Variants in DPY30 observed in about 807,000 individuals in gnomAD.
The protein encoded by DPY30 is dpy-30 histone methyltransferase complex regulatory subunit, also known as protein dpy-30 homolog.
DPY30 carries 6 observed loss-of-function variants against 16.2 expected under a neutral mutation model. The observed-to-expected ratio is 0.37, with a 90% CI of 0.20 to 0.73. The LOEUF (loss-of-function observed/expected upper bound fraction) is 0.73. Ranked by LOEUF, DPY30 falls within the 30% of genes least tolerant of loss-of-function variation. The pLI, the probability that DPY30 is intolerant of heterozygous loss-of-function variation, is 0.51. For missense variants in DPY30, 73 were observed against 113.1 expected (o/e 0.65, Z 1.61); for synonymous variants, 39 against 38.8 (o/e 1.00, Z -0.02).
intron 5 of DPY30, among the ~76,000 whole-genome samples, chr2:32,017,695 A>G (rs777852016): frequency 1.6e-4 from 24 of 152,150 alleles, no homozygotes; most frequent in Admixed American, 2.6e-4. Flanking sequence ...ACAAGGATCA[A>G]TTATGTTCTC....
downstream of DPY30, chr2:32,023,832 AAAAGAG>A (rs1262318297): frequency 6.9e-6 from 9 of 1,307,042 alleles, no homozygotes; most frequent in Middle Eastern, 4.2e-4. Context: ...AGACAGAAGA[AAAAGAG>A]AAATTCATAA....
At chr2:32,038,656 T>G (rs927706277) in intron 3 of DPY30, among the ~76,000 whole-genome samples, 3 of 142,584 alleles carry the variant, frequency 2.1e-5, no homozygotes, top group Admixed American at 1.4e-4. Flanking sequence ...ACTTTTTTTT[T>G]TTTTTTTTTT....
At chr2:32,020,023 C>T (rs1675145845), downstream of DPY30, among the ~76,000 whole-genome samples, 1 of 147,718 alleles carries the variant, frequency 6.8e-6, no homozygotes, top group African/African-American at 2.5e-5. Flanking sequence ...TCCTCTGTAA[C>T]CTTAAGGAAA....
chr2:32,031,722 G>A (rs1430326331), intron 3 of DPY30, among the ~76,000 whole-genome samples: 7 of 152,066 alleles, frequency 4.6e-5, no homozygotes, highest in Middle Eastern at 6.8e-3. Context: ...GTGGAACCCT[G>A]TCTCTACTAA....
Position 32,024,226 on chromosome 2 carries a change from A to G in DPY30, c.258T>C (p.Ser86=), listed in dbSNP as rs1207928449. ...RPPNPIEFLA[S]YLLKNKAQFE... ...ACTGTGCCTTGTTTTTTAAAAGATA[A>G]GATGCTAGAAATTCAATGGGATTTG... The change falls in exon 5 of 5, where the codon TCT becomes TCC. Residue 86 remains serine, a synonymous_variant. Coordinates refer to ENST00000342166, the MANE Select transcript of DPY30 (RefSeq NM_001321209.2). 6.2e-7 allele frequency: 1 copy of G among 1,612,842 alleles called. No individual in the cohort carries two copies. Among genetic ancestry groups the G allele is most frequent in the Non-Finnish European group, 8.5e-7 (1 of 1,179,368 alleles).
At chr2:32,022,655 C>T (rs1675211395), downstream of DPY30, among the ~76,000 whole-genome samples, 3 of 151,770 alleles carry the variant, frequency 2.0e-5, no homozygotes, top group South Asian at 6.2e-4. Flanking sequence ...GTGGCTGGGA[C>T]GACAGGCACA....
At chr2:32,035,936 G>GAAAAAAAAAAAAA (rs762915217) in intron 3 of DPY30, among the ~76,000 whole-genome samples, 7 of 50,306 alleles carry the variant, frequency 1.4e-4, no homozygotes, top group Middle Eastern at 0.01. Flanking sequence ...CAGTCTCGAA[G>GAAAAAAAAAAAAA]AAAAAAAAAA....
At chr2:32,022,796 G>A (rs910126668), downstream of DPY30, among the ~76,000 whole-genome samples, 26 of 151,898 alleles carry the variant, frequency 1.7e-4, no homozygotes, top group African/African-American at 5.1e-4. Context: ...GATTACAGGC[G>A]TGAGCCACCG....
chr2:32,036,226 C>A (rs1449425388), intron 3 of DPY30, among the ~76,000 whole-genome samples: 1 of 152,048 alleles, frequency 6.6e-6, no homozygotes, highest in African/African-American at 2.4e-5. Flanking sequence ...AATCCTCCCA[C>A]CTTGGCCTCC....
chr2:32,024,450 A>C (rs1247903455), intron 4 of DPY30, among the ~76,000 whole-genome samples, 194 bp from the exon 5 acceptor site: 1 of 152,226 alleles, frequency 6.6e-6, no homozygotes, highest in Non-Finnish European at 1.5e-5. Flanking sequence ...AATGAGACTG[A>C]AATTTTTGTA....
intron 3 of DPY30, among the ~76,000 whole-genome samples, chr2:32,031,093 C>T (rs1041298502): frequency 6.6e-6 from 1 of 152,100 alleles, no homozygotes; most frequent in African/African-American, 2.4e-5. Flanking sequence ...TAATTCATTG[C>T]CTCCATCGCA....
At chr2:32,023,049 G>T (rs1675219696), downstream of DPY30, among the ~76,000 whole-genome samples, 1 of 151,822 alleles carries the variant, frequency 6.6e-6, no homozygotes, top group African/African-American at 2.4e-5. Context: ...TGGGCATGGT[G>T]GCTCATGCCT....
downstream of DPY30, among the ~76,000 whole-genome samples, chr2:32,023,226 G>C (rs188477105): frequency 3.8e-4 from 58 of 152,268 alleles, no homozygotes; most frequent in Non-Finnish European, 7.8e-4. Context: ...GAGAACCACT[G>C]CTCTAGTGAA....
chr2:32,026,361 G>A (rs1172534325), intron 4 of DPY30, among the ~76,000 whole-genome samples: 1 of 152,182 alleles, frequency 6.6e-6, no homozygotes, highest in Non-Finnish European at 1.5e-5. Flanking sequence ...GGTGAGTGGT[G>A]ATCTTGCCAC....
chr2:32,032,553 T>C (rs1194321576), intron 3 of DPY30, among the ~76,000 whole-genome samples: 5 of 152,178 alleles, frequency 3.3e-5, no homozygotes, highest in African/African-American at 1.2e-4. Context: ...AGTCACAGTA[T>C]ACGTATACAA....
At chr2:32,016,120 G>A (rs1203599542) in intron 5 of DPY30, among the ~76,000 whole-genome samples, 3 of 152,006 alleles carry the variant, frequency 2.0e-5, no homozygotes, top group Non-Finnish European at 2.9e-5. Flanking sequence ...GGCTGGTCTC[G>A]AACTCCTGAC....
At chr2:32,032,848 T>C (rs1352387307) in intron 3 of DPY30, among the ~76,000 whole-genome samples, 2 of 150,926 alleles carry the variant, frequency 1.3e-5, no homozygotes, top group African/African-American at 2.4e-5. Flanking sequence ...ATACAAAACT[T>C]ATCTGGGCAT....
In DPY30 at chr2:32,039,427, T is replaced by A. The variant is rs11542021; in HGVS notation, c.30A>T (p.Gln10His). 3.6e-5 allele frequency: 58 copies of A among 1,614,060 alleles called. No homozygotes were observed. Among genetic ancestry groups the A allele is most frequent in the Non-Finnish European group, 4.9e-5 (58 of 1,180,034 alleles). MEPEQMLEG[Q>H]TQVAENPHSE... ...ATCCACGGCCTCCTGATACCTGCGTTTGTCCCTCCAGCATCTGCTCTGGCT... is the reference window on the plus strand; with the variant it reads ...ATCCACGGCCTCCTGATACCTGCGTATGTCCCTCCAGCATCTGCTCTGGCT... Residue 10 changes from glutamine (Q) to histidine (H), a missense_variant, in exon 2 of 5, where the codon CAA becomes CAT. Around this residue, in one of 3 missense-constraint regions of DPY30, gnomAD observed 52 missense variants for 71.5 expected, o/e 0.73. Transcript: ENST00000342166.
At chr2:32,020,502 A>C (rs1675156026), downstream of DPY30, among the ~76,000 whole-genome samples, 2 of 152,114 alleles carry the variant, frequency 1.3e-5, no homozygotes, top group South Asian at 4.1e-4. Flanking sequence ...ACAGAGCAAG[A>C]CCTCATCTCT....
Sources: gnomAD v4.1 joint callset for allele counts (sites outside exome capture counted in the v4.1 genomes callset) on GRCh38, gnomAD v4.1.1 for gene constraint, gnomAD v4.1.1 regional missense constraint, MANE v1.5 for transcripts, NCBI Gene and HGNC (gene_info 2026-07-23, HGNC 2026-07-21) for gene names.